The following ABCD2 variants were observed in gnomAD, a reference collection of about 807,000 sequenced individuals.
ABCD2 encodes ATP-binding cassette sub-family D member 2.
ABCD2 carries 36 observed loss-of-function variants against 70.9 expected under a neutral mutation model. The observed-to-expected ratio is 0.51, with a 90% CI of 0.39 to 0.67. The LOEUF is 0.67. Among genes scored for constraint, ABCD2 ranks in the 30% least tolerant of loss-of-function variants. The pLI, the probability that ABCD2 is intolerant of heterozygous loss-of-function variation, is 0.00. For missense variants in ABCD2, 729 were observed against 890.2 expected, an observed-to-expected ratio of 0.82 and a Z score of 2.30; for synonymous variants, 304 against 306.9, an observed-to-expected ratio of 0.99 and a Z score of 0.10.
intron 6 of ABCD2, among the ~76,000 whole-genome samples, chr12:39,592,018 T>A (rs1941752898): frequency 6.6e-6 from 1 of 152,154 alleles, no homozygotes; most frequent in South Asian, 2.1e-4. Flanking sequence ...CATAGAAAGC[T>A]ATAGAAAATT....
downstream of ABCD2, among the ~76,000 whole-genome samples, chr12:39,545,107 T>G (rs926190107): frequency 3.3e-5 from 5 of 152,214 alleles, no homozygotes; most frequent in African/African-American, 9.6e-5. Context: ...AGTCCCCATT[T>G]TTATTAAAAA....
In ABCD2 at chr12:39,617,124, A is replaced by G; in HGVS notation, c.984T>C (p.Asp328=). 6.2e-7 allele frequency: 1 copy of G among 1,611,338 alleles called. No individual in the cohort carries two copies. The highest frequency in any genetic ancestry group is 1.1e-5 in the South Asian group (1 of 90,470). ...GTTTGGATAAAATGAGGTTCATCTG[A>G]TCTGCTAAAGCTTTGTAACTTTTCT... The part of the protein sequence containing the change: ...QLQKSYKALA[D]QMNLILSKRL... The change falls in exon 2 of 10, where the codon GAT becomes GAC. Residue 328 remains aspartate, a synonymous_variant. Transcript: ENST00000308666.
chr12:39,537,956 G>C, the ABCD2 span, among the ~76,000 whole-genome samples: 8 of 152,168 alleles, frequency 5.3e-5, no homozygotes, highest in African/African-American at 1.9e-4. Flanking sequence ...ATAGGGTCTG[G>C]AGGCAGGGAA....
At chr12:39,571,173 A>G (rs1003971934) in intron 9 of ABCD2, among the ~76,000 whole-genome samples, 4 of 152,208 alleles carry the variant, frequency 2.6e-5, no homozygotes, top group African/African-American at 9.6e-5. Flanking sequence ...GGTTCCTCAA[A>G]ATGTTAAAAA....
At chr12:39,559,315 T>G (rs2120539791) in intron 9 of ABCD2, among the ~76,000 whole-genome samples, 1 of 142,212 alleles carries the variant, frequency 7.0e-6, no homozygotes, top group South Asian at 2.2e-4. Flanking sequence ...AAGCGGAGGT[T>G]GCAGTGAGCT....
intron 6 of ABCD2, among the ~76,000 whole-genome samples, chr12:39,587,576 A>G (rs1327211997): frequency 1.3e-5 from 2 of 152,228 alleles, no homozygotes; most frequent in Non-Finnish European, 2.9e-5. Flanking sequence ...ACCCATTTAT[A>G]TTTAAAAAAG....
chr12:39,589,456 G>A (rs1351961916), intron 6 of ABCD2, among the ~76,000 whole-genome samples: 4 of 146,296 alleles, frequency 2.7e-5, no homozygotes, highest in South Asian at 2.2e-4. Context: ...GCGCCATCTC[G>A]GTGGCTCACT....
Position 39,619,063 on chromosome 12 carries a change from C to T in ABCD2, c.553G>A (p.Glu185Lys), listed in dbSNP as rs1331758067. 2 of 1,614,066 alleles carry T rather than the reference C, an allele frequency of 1.2e-6. No homozygotes were observed. Among genetic ancestry groups the T allele is most frequent in the Admixed American group, 1.7e-5 (1 of 60,000 alleles). ...TAAGTCTGATTTGTAAAATAGGTTT[C>T]ATAGGCGTGGTCTACTAGGCGAGTT... is the stretch of plus-strand genomic sequence containing the variant. The part of the protein sequence containing the change: ...FRTRLVDHAY[E>K]TYFTNQTYYK... Residue 185 changes from glutamate (E) to lysine (K), a missense_variant, in exon 1 of 10, where the codon GAA becomes AAA. Around this residue, in one of 3 missense-constraint regions of ABCD2, gnomAD observed 245 missense variants for 261.2 expected, o/e 0.94. Coordinates refer to ENST00000308666, the MANE Select transcript of ABCD2 (RefSeq NM_005164.4).
intron 9 of ABCD2, among the ~76,000 whole-genome samples, chr12:39,555,460 G>A (rs1272174198): frequency 1.3e-5 from 2 of 152,110 alleles, no homozygotes; most frequent in Non-Finnish European, 2.9e-5. Context: ...AAGGAAACCA[G>A]GCAAGAGTTC....
chr12:39,619,402 T>C lies in ABCD2; in HGVS notation c.214A>G (p.Ile72Val). 6.2e-7 allele frequency: 1 copy of C among 1,614,176 alleles called. No individual in the cohort carries two copies. ...ACTCCAGGCGAAGGTTTTTCACAAATGGTCTCGGTGCAATGCAGTATTTCT... is the reference window on the plus strand; with the variant it reads ...ACTCCAGGCGAAGGTTTTTCACAAACGGTCTCGGTGCAATGCAGTATTTCT... ...NTEILHCTET[I>V]CEKPSPGVNA... The change falls in exon 1 of 10, where the codon ATT becomes GTT. Residue 72 changes from isoleucine (I) to valine (V), a missense_variant. Coordinates refer to ENST00000308666, the MANE Select transcript of ABCD2 (RefSeq NM_005164.4).
chr12:39,534,736 G>GA, the ABCD2 span, among the ~76,000 whole-genome samples: 1 of 114,646 alleles, frequency 8.7e-6, no homozygotes. Context: ...GGAAAAGAAG[G>GA]AAGGAAGGAA....
intron 3 of ABCD2, among the ~76,000 whole-genome samples, chr12:39,605,533 A>AT (rs11379944): frequency 0.015 from 2,303 of 151,586 alleles, 31 homozygotes; most frequent in Non-Finnish European, 0.023. Context: ...CATTAAATAT[A>AT]TTTTTTTTTC....
chr12:39,534,926 AAGAAAGAAAGAAAGAAAGAAAG>A, the ABCD2 span, among the ~76,000 whole-genome samples: 1 of 151,092 alleles, frequency 6.6e-6, no homozygotes, highest in Non-Finnish European at 1.5e-5. Flanking sequence ...GAAAGAAAGA[AAGAAAGAAAGAAAGAAAGAAAG>A]AAAACAAAGA....
chr12:39,593,727 A>C (rs1211541671), intron 6 of ABCD2, among the ~76,000 whole-genome samples: 1 of 152,146 alleles, frequency 6.6e-6, no homozygotes, highest in Non-Finnish European at 1.5e-5. Flanking sequence ...TGATGACATA[A>C]AGGGTAAGTC....
the ABCD2 span, among the ~76,000 whole-genome samples, chr12:39,541,378 G>A: frequency 3.9e-5 from 6 of 152,190 alleles, no homozygotes; most frequent in African/African-American, 1.4e-4. Context: ...AGTCGGTGAG[G>A]GGGCAGCTTT....
intron 9 of ABCD2, among the ~76,000 whole-genome samples, chr12:39,560,393 C>T (rs1254081493): frequency 6.6e-6 from 1 of 152,178 alleles, no homozygotes; most frequent in African/African-American, 2.4e-5. Context: ...GCCACATTTT[C>T]TTAATCCAGT....
At chr12:39,608,036 C>T (rs186199485) in intron 2 of ABCD2, among the ~76,000 whole-genome samples, 31 of 152,032 alleles carry the variant, frequency 2.0e-4, no homozygotes, top group African/African-American at 6.5e-4. Flanking sequence ...GATGTGGTGG[C>T]GCATGCTTGT....
chr12:39,592,249 T>C (rs1941756287), intron 6 of ABCD2, among the ~76,000 whole-genome samples: 1 of 152,216 alleles, frequency 6.6e-6, no homozygotes, highest in African/African-American at 2.4e-5. Context: ...GTGGTTAAAA[T>C]AATTTTCTAA....
At chr12:39,573,948 A>T in intron 8 of ABCD2, 107 bp from the exon 9 acceptor site, 6 of 1,112,524 alleles carry the variant, frequency 5.4e-6, no homozygotes, top group Non-Finnish European at 7.5e-6. Context: ...AGCAAAAAAG[A>T]CTATGGCATT....
Sources: allele counts gnomAD v4.1 joint callset (sites outside exome capture counted in the v4.1 genomes callset), GRCh38; gene constraint gnomAD v4.1.1; regional missense constraint gnomAD v4.1.1; transcripts MANE v1.5; gene names NCBI Gene and HGNC (gene_info 2026-07-23, HGNC 2026-07-21).